The following ZCCHC14 variants were observed in gnomAD, a reference collection of about 807,000 sequenced individuals.
The protein encoded by ZCCHC14 is zinc finger CCHC-type containing 14.
Under a neutral mutation model 85.0 loss-of-function variants are expected in ZCCHC14, and 16 were observed. The ratio of observed to expected loss-of-function variants is 0.19; its 90% CI spans 0.13 to 0.29. ZCCHC14 has a LOEUF of 0.29. Ranked by LOEUF, ZCCHC14 falls within the 10% of genes least tolerant of loss-of-function variation. ZCCHC14 has a pLI of 1.00. For missense variants in ZCCHC14, 1,303 were observed against 1,443.5 expected (o/e 0.90, Z 1.58); for synonymous variants, 775 against 630.7 (o/e 1.23, Z -3.43).
intron 2 of ZCCHC14, among the ~76,000 whole-genome samples, chr16:87,458,866 C>T (rs908284405): frequency 2.0e-5 from 3 of 152,190 alleles, no homozygotes; most frequent in Non-Finnish European, 4.4e-5. Context: ...GCCATGGGGG[C>T]TCAGGACCAG....
At chr16:87,459,511 ATT>A (rs11385063) in intron 2 of ZCCHC14, among the ~76,000 whole-genome samples, 6 of 140,520 alleles carry the variant, frequency 4.3e-5, no homozygotes, top group Admixed American at 7.1e-5. Flanking sequence ...GGCCTGGCTA[ATT>A]TTTTTTTTTT....
At chr16:87,431,494 AAAG>A (rs1909661291) in intron 3 of ZCCHC14, among the ~76,000 whole-genome samples, 1 of 151,746 alleles carries the variant, frequency 6.6e-6, no homozygotes, top group Non-Finnish European at 1.5e-5. Context: ...AAAAAAAAGA[AAAG>A]AAAAGAGAAA....
intron 2 of ZCCHC14, among the ~76,000 whole-genome samples, chr16:87,444,204 A>C (rs982825329): frequency 6.6e-6 from 1 of 152,180 alleles, no homozygotes; most frequent in African/African-American, 2.4e-5. Context: ...AAATGAACCT[A>C]GGCCGTTGGA....
chr16:87,466,321 T>C (rs1404634895), intron 1 of ZCCHC14, among the ~76,000 whole-genome samples: 1 of 152,204 alleles, frequency 6.6e-6, no homozygotes, highest in Non-Finnish European at 1.5e-5. Flanking sequence ...AAGTGGGACG[T>C]GCTGACGCAG....
chr16:87,442,988 T>C (rs1309287597), intron 2 of ZCCHC14, among the ~76,000 whole-genome samples: 2 of 152,172 alleles, frequency 1.3e-5, no homozygotes, highest in Admixed American at 1.3e-4. Context: ...ACTGCTAAAG[T>C]TCTTTGAACA....
intron 3 of ZCCHC14, among the ~76,000 whole-genome samples, chr16:87,427,461 T>A (rs150078691): frequency 2.6e-5 from 4 of 152,080 alleles, no homozygotes; most frequent in African/African-American, 7.2e-5. Flanking sequence ...CAGGCTGGAG[T>A]GCAGTGGCGC....
intron 1 of ZCCHC14, among the ~76,000 whole-genome samples, chr16:87,461,619 G>A (rs74602309): frequency 0.017 from 2,541 of 152,296 alleles, 25 homozygotes; most frequent in Middle Eastern, 0.048. Context: ...TCACTCACAA[G>A]CACAGATCCC....
chr16:87,472,218 C>G (rs989805223), intron 1 of ZCCHC14: 2 of 152,208 alleles, frequency 1.3e-5, no homozygotes, highest in African/African-American at 2.4e-5. Flanking sequence ...GGAGGGCCGC[C>G]CCCATCACTA....
rs1259005998 is a variant in ZCCHC14, at chr16:87,407,343, T to C, written c.*2937A>G. 3.3e-5 allele frequency: 5 copies of C among 152,240 alleles called. No homozygotes were observed. Among genetic ancestry groups the C allele is most frequent in the Admixed American group, 6.5e-5 (1 of 15,282 alleles). 9.4% of individuals were successfully genotyped at this position (152,240 alleles called of 1,614,324 possible). The stretch of plus-strand genomic sequence containing the variant: ...GGTTTTTAAAATACCCAATCACATA[T>C]ATGCATTCAAGAAAATATTTTGTCT... On this transcript the variant is annotated 3_prime_UTR_variant, in exon 13 of 13. Transcript: ENST00000671377.
intron 2 of ZCCHC14, among the ~76,000 whole-genome samples, chr16:87,453,085 C>G (rs1040431755): frequency 2.0e-5 from 3 of 152,222 alleles, no homozygotes; most frequent in African/African-American, 7.2e-5. Flanking sequence ...GGCTTCTGAA[C>G]AAGCTGGAAG....
At chr16:87,441,636 T>A (rs1910189956) in intron 2 of ZCCHC14, among the ~76,000 whole-genome samples, 1 of 152,214 alleles carries the variant, frequency 6.6e-6, no homozygotes, top group South Asian at 2.1e-4. Flanking sequence ...AATTAGGGGC[T>A]TTATTGTAGG....
rs1440194652 is a variant in ZCCHC14 at position 87,420,732 on chromosome 16, A to T, written c.841-16T>A. The T allele has an allele frequency of 1.3e-6, 2 of 1,598,736 alleles. No individual in the cohort carries two copies. The highest frequency in any genetic ancestry group is 8.5e-7 in the Non-Finnish European group (1 of 1,170,802). On this transcript the variant is annotated splice_polypyrimidine_tract_variant and intron_variant, in intron 4 of 12. Transcript: ENST00000671377. This position sits in a 1 kb window ranked among gnomAD's most constrained non-coding sequence, Gnocchi z 5.0. ...GCTGACATAGCTGGAAGAGAGGACA[A>T]GGTAGAGGAGGTGTGTCCAGACCCA...
rs530087064 is a variant in ZCCHC14, at chr16:87,443,681, G to C, written c.695-10480C>G. Reference sequence around the variant, plus strand: ...GAGCCCAGGAGTTCAAGGATGCAATGAGCAGGGATCACACCACTGCACTCT... The same window carrying C: ...GAGCCCAGGAGTTCAAGGATGCAATCAGCAGGGATCACACCACTGCACTCT... On this transcript the variant is annotated intron_variant, in intron 2 of 12. Transcript: ENST00000671377. Among the ~76,000 whole-genome samples, 4 of 152,298 alleles carry C rather than the reference G, an allele frequency of 2.6e-5. No homozygotes were observed. The East Asian group carries it at 7.7e-4, about 29-fold the overall frequency.
At chr16:87,431,301 G>A (rs887372393) in intron 3 of ZCCHC14, among the ~76,000 whole-genome samples, 3 of 151,406 alleles carry the variant, frequency 2.0e-5, no homozygotes, top group Non-Finnish European at 2.9e-5. Flanking sequence ...GTGAAACCCC[G>A]TCTCTACTAA....
At chr16:87,456,932 A>T (rs1346145801) in intron 2 of ZCCHC14, among the ~76,000 whole-genome samples, 2 of 152,248 alleles carry the variant, frequency 1.3e-5, no homozygotes, top group Non-Finnish European at 2.9e-5. Flanking sequence ...AAAAAATTAT[A>T]ATTCCTCAAA....
chr16:87,413,329 C>T, intron 10 of ZCCHC14, 134 bp from the exon 11 acceptor site: 1 of 1,295,470 alleles, frequency 7.7e-7, no homozygotes, highest in South Asian at 1.6e-5. Context: ...AGAAAACGAA[C>T]ACGCCGGCCC....
At chr16:87,428,897 C>T (rs2150734900) in intron 3 of ZCCHC14, among the ~76,000 whole-genome samples, 1 of 41,248 alleles carries the variant, frequency 2.4e-5, no homozygotes, top group South Asian at 1.0e-3. Flanking sequence ...AGCATTACTG[C>T]CGGGGGTGGT....
At chr16:87,449,165 C>G (rs750995725) in intron 2 of ZCCHC14, among the ~76,000 whole-genome samples, 1 of 152,226 alleles carries the variant, frequency 6.6e-6, no homozygotes, top group Non-Finnish European at 1.5e-5. Flanking sequence ...TTGGGTGCTC[C>G]TGAGCTCTGC....
chr16:87,453,211 G>A (rs1910789713), intron 2 of ZCCHC14, among the ~76,000 whole-genome samples: 1 of 152,262 alleles, frequency 6.6e-6, no homozygotes, highest in Non-Finnish European at 1.5e-5. Context: ...AGCCCGACTA[G>A]GGGCAGGTGG....
Sources: allele counts gnomAD v4.1 joint callset (sites outside exome capture counted in the v4.1 genomes callset), GRCh38; gene constraint gnomAD v4.1.1; non-coding constraint Gnocchi (gnomAD v3.1); transcripts MANE v1.5; gene names NCBI Gene and HGNC (gene_info 2026-07-23, HGNC 2026-07-21).